The following PLCB1 variants were observed in gnomAD, a reference collection of about 807,000 sequenced individuals.
PLCB1 encodes phospholipase C beta 1, also known as 1-phosphatidylinositol 4,5-bisphosphate phosphodiesterase beta-1.
A neutral mutation model predicts 161.8 loss-of-function variants in PLCB1; 46 were observed. That is an observed-to-expected ratio of 0.28 (90% CI 0.22 to 0.36). The LOEUF is 0.36. Among genes scored for constraint, PLCB1 ranks in the 10% least tolerant of loss-of-function variants. The probability of loss-of-function intolerance (pLI) is 1.00; values close to 1 mark genes in which losing one functional copy is unlikely to be tolerated. For synonymous variants in PLCB1, 517 were observed against 503.7 expected, an observed-to-expected ratio of 1.03 and a Z score of -0.35; for missense variants, 1,016 against 1,472.5, an observed-to-expected ratio of 0.69 and a Z score of 5.07.
intron 2 of PLCB1, among the ~76,000 whole-genome samples, chr20:8,253,114 C>T (rs1981240075): frequency 6.6e-6 from 1 of 151,934 alleles, no homozygotes; most frequent in African/African-American, 2.4e-5. Flanking sequence ...TGGCATCAGC[C>T]TGTTGATATC....
intron 9 of PLCB1, among the ~76,000 whole-genome samples, chr20:8,662,383 T>A (rs1264832799): frequency 7.7e-6 from 1 of 130,406 alleles, no homozygotes; most frequent in Non-Finnish European, 1.5e-5. Flanking sequence ...TTATGTATAA[T>A]ATATAATTAT....
chr20:8,722,327 T>C, intron 14 of PLCB1, 27 bp from the exon 15 acceptor site: 4 of 1,559,082 alleles, frequency 2.6e-6, no homozygotes, highest in Non-Finnish European at 3.5e-6. Flanking sequence ...AATGGTGACA[T>C]GATGATCTGT....
intron 11 of PLCB1, 44 bp downstream of exon 11, chr20:8,697,827 T>A (rs1321392678): frequency 5.1e-6 from 8 of 1,579,710 alleles, no homozygotes; most frequent in Non-Finnish European, 6.9e-6. Flanking sequence ...TGGAGACACC[T>A]GATTCCTTTT....
chr20:8,878,997 G>A (rs1361803849), intron 31 of PLCB1, among the ~76,000 whole-genome samples: 1 of 151,780 alleles, frequency 6.6e-6, no homozygotes, highest in African/African-American at 2.4e-5. Flanking sequence ...GTCAATCATT[G>A]CCATATTTAT....
At chr20:8,276,983 C>CTTCTTA (rs1408666327) in intron 2 of PLCB1, among the ~76,000 whole-genome samples, 4 of 99,238 alleles carry the variant, frequency 4.0e-5, no homozygotes, top group African/African-American at 1.6e-4. Flanking sequence ...TCTTCTTCTT[C>CTTCTTA]TTCTTATTAT....
rs112605155 is a variant in PLCB1, at chr20:8,744,934, A to G, written c.2523+3361A>G. 4.3e-3 allele frequency among the ~76,000 whole-genome samples: 648 copies of G among 152,266 alleles called. 3 individuals carry two copies. Among genetic ancestry groups the G allele is most frequent in the African/African-American group, 0.015 (615 of 41,564 alleles). ...ATAAAATGTACAAAAATACAGAAGTAGAGTTTTAGGTCAATCTTATTTTTG... is the reference window on the plus strand; with the variant it reads ...ATAAAATGTACAAAAATACAGAAGTGGAGTTTTAGGTCAATCTTATTTTTG... On this transcript the variant is annotated intron_variant, in intron 23 of 31. Coordinates refer to ENST00000338037, the MANE Select transcript of PLCB1 (RefSeq NM_015192.4).
intron 3 of PLCB1, among the ~76,000 whole-genome samples, chr20:8,553,673 A>G (rs924418644): frequency 1.3e-5 from 2 of 152,116 alleles, no homozygotes; most frequent in Admixed American, 1.3e-4. Context: ...AAGCAAATGA[A>G]TACAGAAAAA....
intron 3 of PLCB1, among the ~76,000 whole-genome samples, chr20:8,593,353 G>A (rs188853076): frequency 1.9e-4 from 28 of 144,214 alleles, no homozygotes; most frequent in African/African-American, 6.0e-4. Context: ...GTGTGTGCGC[G>A]TGTGTGTGTG....
At chr20:8,547,425 T>C (rs1401814349) in intron 3 of PLCB1, among the ~76,000 whole-genome samples, 2 of 152,186 alleles carry the variant, frequency 1.3e-5, no homozygotes, top group Non-Finnish European at 2.9e-5. Flanking sequence ...TGGGGACATA[T>C]GTCAAATGCA....
chr20:8,531,214 C>G (rs1277699422), intron 3 of PLCB1, among the ~76,000 whole-genome samples: 1 of 151,876 alleles, frequency 6.6e-6, no homozygotes, highest in Non-Finnish European at 1.5e-5. Context: ...ATTATTCAGA[C>G]CCATGTAACA....
chr20:8,412,833 C>A (rs1979101263), intron 3 of PLCB1, among the ~76,000 whole-genome samples: 1 of 151,892 alleles, frequency 6.6e-6, no homozygotes, highest in South Asian at 2.1e-4. Context: ...GGAAATAAAA[C>A]AACATGGAGG....
At chr20:8,647,855 C>CT in intron 5 of PLCB1, 45 bp from the exon 6 acceptor site, 3 of 1,518,358 alleles carry the variant, frequency 2.0e-6, no homozygotes, top group South Asian at 2.3e-5. Flanking sequence ...GAAAAAAAAG[C>CT]TTTTTTAAAA....
At chr20:8,523,494 C>CTATATA (rs1419507917) in intron 3 of PLCB1, among the ~76,000 whole-genome samples, 23 of 49,602 alleles carry the variant, frequency 4.6e-4, no homozygotes, top group South Asian at 4.4e-3. Flanking sequence ...CTCTCTCTCT[C>CTATATA]TCTATATATA....
intron 2 of PLCB1, among the ~76,000 whole-genome samples, chr20:8,361,482 G>A (rs1431986989): frequency 1.3e-5 from 2 of 151,902 alleles, no homozygotes; most frequent in Admixed American, 6.6e-5. Context: ...CAGATTGTCG[G>A]GCCACCCCAG....
chr20:8,273,542 T>C (rs891852024), intron 2 of PLCB1, among the ~76,000 whole-genome samples: 3 of 152,154 alleles, frequency 2.0e-5, no homozygotes, highest in African/African-American at 7.2e-5. Flanking sequence ...ATAGTGCTGC[T>C]TTGCCACTTC....
At chr20:8,333,981 G>A (rs979241153) in intron 2 of PLCB1, among the ~76,000 whole-genome samples, 6 of 152,144 alleles carry the variant, frequency 3.9e-5, no homozygotes, top group South Asian at 2.1e-4. Context: ...AAGCGGAGGC[G>A]GACGGATCAC....
chr20:8,543,242 A>G (rs906901535), intron 3 of PLCB1, among the ~76,000 whole-genome samples: 3 of 152,116 alleles, frequency 2.0e-5, no homozygotes, highest in Non-Finnish European at 2.9e-5. Context: ...TGGGGAGCTT[A>G]ATGGGAGATT....
chr20:8,635,265 G>A (rs1167019034), intron 4 of PLCB1, among the ~76,000 whole-genome samples: 2 of 151,732 alleles, frequency 1.3e-5, no homozygotes, highest in East Asian at 1.9e-4. Context: ...AGGAAAGGAA[G>A]GGAAAGGAAA....
At chr20:8,545,733 G>A (rs979918597) in intron 3 of PLCB1, among the ~76,000 whole-genome samples, 6 of 152,196 alleles carry the variant, frequency 3.9e-5, no homozygotes, top group South Asian at 2.1e-4. Context: ...GAGTGCATGG[G>A]TGAAAGATAG....
Sources: allele counts gnomAD v4.1 joint callset (sites outside exome capture counted in the v4.1 genomes callset), GRCh38; gene constraint gnomAD v4.1.1; transcripts MANE v1.5; gene names NCBI Gene and HGNC (gene_info 2026-07-23, HGNC 2026-07-21).